PSTPIP1: variants seen among roughly 807,000 people sequenced by gnomAD.
The protein encoded by PSTPIP1 is proline-serine-threonine phosphatase-interacting protein 1.
Under a neutral mutation model 69.6 loss-of-function variants are expected in PSTPIP1, and 66 were observed. That is an observed-to-expected ratio of 0.95 (90% confidence interval 0.78 to 1.16). The LOEUF (loss-of-function observed/expected upper bound fraction) is 1.16. Ranked by LOEUF, PSTPIP1 falls within the 50% of genes most tolerant of loss-of-function variation. The probability of loss-of-function intolerance (pLI) is 0.00; values close to 1 mark genes in which losing one functional copy is unlikely to be tolerated. For synonymous variants in PSTPIP1, 266 were observed against 222.7 expected, an observed-to-expected ratio of 1.19 and a Z score of -1.73; for missense variants, 603 against 557.4, an observed-to-expected ratio of 1.08 and a Z score of -0.82.
intron 3 of PSTPIP1, chr15:77,024,500 AG>A (rs1251577732): frequency 6.6e-6 from 1 of 152,238 alleles, no homozygotes; most frequent in Non-Finnish European, 1.5e-5. Context: ...GAGAGGCTGC[AG>A]GGAGAGCCAG....
At chr15:77,033,852 C>T (rs2152690347) in intron 12 of PSTPIP1, among the ~76,000 whole-genome samples, 1 of 152,178 alleles carries the variant, frequency 6.6e-6, no homozygotes, top group South Asian at 2.1e-4. Context: ...GAATCTTGTG[C>T]AAGCAGTGAC....
chr15:77,034,894 G>A (rs1463448754), intron 12 of PSTPIP1, among the ~76,000 whole-genome samples: 1 of 152,266 alleles, frequency 6.6e-6, no homozygotes, highest in East Asian at 1.9e-4. Flanking sequence ...CCAGGCCTAA[G>A]CCTGGTGCAG....
At chr15:77,014,698 G>A (rs1043536527) in intron 1 of PSTPIP1, among the ~76,000 whole-genome samples, 3 of 152,340 alleles carry the variant, frequency 2.0e-5, no homozygotes, top group East Asian at 3.9e-4. Flanking sequence ...CACTCAAGCC[G>A]TGGGGGTGTG....
intron 3 of PSTPIP1, among the ~76,000 whole-genome samples, chr15:77,022,688 G>A (rs986191047): frequency 9.8e-5 from 15 of 152,334 alleles, no homozygotes; most frequent in African/African-American, 3.6e-4. Flanking sequence ...CATCCACAGA[G>A]CTGAGGCTGC....
intron 1 of PSTPIP1, among the ~76,000 whole-genome samples, chr15:77,017,600 C>T (rs1331710533): frequency 3.9e-5 from 6 of 152,114 alleles, no homozygotes; most frequent in Non-Finnish European, 8.8e-5. Flanking sequence ...CAAGAAACCG[C>T]AATTGCTGTG....
At chr15:77,017,197 C>T (rs1186010811) in intron 1 of PSTPIP1, among the ~76,000 whole-genome samples, 2 of 152,058 alleles carry the variant, frequency 1.3e-5, no homozygotes, top group Non-Finnish European at 1.5e-5. Context: ...GGGACCCACT[C>T]CCCAAGCCTG....
At chr15:77,015,060 A>C (rs11072639) in intron 1 of PSTPIP1, among the ~76,000 whole-genome samples, 19,749 of 152,216 alleles carry the variant, frequency 0.13, 1,342 homozygotes, top group African/African-American at 0.16. Context: ...TTCATGGGTT[A>C]CCCAGAGCCG....
intron 1 of PSTPIP1, among the ~76,000 whole-genome samples, chr15:76,997,184 C>T (rs971874835): frequency 1.3e-5 from 2 of 152,234 alleles, no homozygotes; most frequent in Non-Finnish European, 2.9e-5. Context: ...GCATCCTGCC[C>T]ACACTCTGTG....
intron 1 of PSTPIP1, among the ~76,000 whole-genome samples, chr15:77,012,646 T>C (rs2075969201): frequency 6.6e-6 from 1 of 152,148 alleles, no homozygotes; most frequent in Non-Finnish European, 1.5e-5. Flanking sequence ...TGTAGGGCGG[T>C]GGAAGGAGCC....
At chr15:77,028,043 C>A in intron 6 of PSTPIP1, 129 bp downstream of exon 6, 2 of 876,850 alleles carry the variant, frequency 2.3e-6, no homozygotes, top group South Asian at 1.5e-5. Flanking sequence ...CCTCGGACCT[C>A]GGCCTTGGGC....
At chr15:77,029,338 C>T (rs1338502901) in intron 7 of PSTPIP1, among the ~76,000 whole-genome samples, 191 bp from the exon 8 acceptor site, 1 of 152,230 alleles carries the variant, frequency 6.6e-6, no homozygotes, top group Non-Finnish European at 1.5e-5. Flanking sequence ...TCTTCGTTCT[C>T]TTTCCATGGA....
intron 1 of PSTPIP1, among the ~76,000 whole-genome samples, chr15:76,996,465 T>C (rs928217447): frequency 2.0e-5 from 3 of 152,176 alleles, no homozygotes; most frequent in East Asian, 3.9e-4. Context: ...CTGGGGAATG[T>C]GGCTGTCCCG....
intron 12 of PSTPIP1, 127 bp from the exon 13 acceptor site, chr15:77,035,381 C>A: frequency 2.0e-6 from 2 of 996,546 alleles, no homozygotes; most frequent in Non-Finnish European, 1.5e-6. Context: ...TGCCTGGAGG[C>A]TAGGGGCAGT....
At chr15:77,014,408 C>T (rs1056527690) in intron 1 of PSTPIP1, among the ~76,000 whole-genome samples, 9 of 152,152 alleles carry the variant, frequency 5.9e-5, no homozygotes, top group African/African-American at 2.2e-4. Context: ...AGGTGTGAAC[C>T]CACATCTAGT....
chr15:77,000,476 TACACACACAC>T (rs893354130), intron 1 of PSTPIP1, among the ~76,000 whole-genome samples: 14 of 146,786 alleles, frequency 9.5e-5, no homozygotes, highest in African/African-American at 3.3e-4. Context: ...TATATATATA[TACACACACAC>T]ACACACACAC....
chr15:76,996,095 C>T (rs2075573934), intron 1 of PSTPIP1, among the ~76,000 whole-genome samples: 1 of 152,208 alleles, frequency 6.6e-6, no homozygotes, highest in Admixed American at 6.5e-5. Flanking sequence ...GCAAGGGGAT[C>T]CAAGGCACTA....
At position 77,030,506 on chromosome 15, in the gene PSTPIP1, G is replaced by A. The variant is rs1156506199; in HGVS notation, c.567G>A (p.Arg189=). 1 of 1,612,352 alleles carries A rather than the reference G, an allele frequency of 6.2e-7. No individual in the cohort carries two copies. Among genetic ancestry groups the A allele is most frequent in the Non-Finnish European group, 8.5e-7 (1 of 1,179,652 alleles). Residue 189 remains arginine (R), a synonymous_variant, in exon 9 of 15, where the codon CGG becomes CGA. Coordinates refer to ENST00000558012, the MANE Select transcript of PSTPIP1 (RefSeq NM_003978.5). ...QCKDSATEAE[R]VYRQSIAQLE... is the part of the protein sequence containing the mutation. ...TGAGGCTGCCTGCGCTTTCAGAGCG[G>A]GTATACAGGCAGAGCATTGCGCAGC...
chr15:77,035,692 A>G, intron 13 of PSTPIP1, 110 bp from the exon 14 acceptor site: 2 of 1,479,574 alleles, frequency 1.4e-6, no homozygotes, highest in East Asian at 2.5e-5. Context: ...GCAAGTGTGG[A>G]CAGCAGAAGG....
chr15:77,017,370 C>A (rs1477616375), intron 1 of PSTPIP1, among the ~76,000 whole-genome samples: 1 of 152,184 alleles, frequency 6.6e-6, no homozygotes, highest in Non-Finnish European at 1.5e-5. Flanking sequence ...ACAGCCAGGG[C>A]AAGCAGGGCA....
Sources: gnomAD v4.1 joint callset for allele counts (sites outside exome capture counted in the v4.1 genomes callset) on GRCh38, gnomAD v4.1.1 for gene constraint, MANE v1.5 for transcripts, NCBI Gene and HGNC (gene_info 2026-07-23, HGNC 2026-07-21) for gene names.